The following PEBP4 variants were observed in gnomAD, a reference collection of about 807,000 sequenced individuals.
PEBP4 encodes phosphatidylethanolamine-binding protein 4.
A neutral mutation model predicts 23.9 loss-of-function variants in PEBP4; 22 were observed. That is an observed-to-expected ratio of 0.92 (90% CI 0.66 to 1.31). PEBP4 has a LOEUF of 1.31. PEBP4 is among the 40% of genes most tolerant of loss of function. The pLI is 0.00. For synonymous variants in PEBP4, 112 were observed against 99.3 expected (o/e 1.13, Z -0.76); for missense variants, 324 against 281.7 (o/e 1.15, Z -1.07).
At chr8:22,727,599 C>T (rs943740025) in intron 4 of PEBP4, among the ~76,000 whole-genome samples, 2 of 152,122 alleles carry the variant, frequency 1.3e-5, no homozygotes, top group East Asian at 1.9e-4. Flanking sequence ...AGGGTCTGGT[C>T]GGATCTAAGG....
chr8:22,940,420 G>A (rs1269955823), intron 1 of PEBP4, among the ~76,000 whole-genome samples: 1 of 151,776 alleles, frequency 6.6e-6, no homozygotes, highest in Non-Finnish European at 1.5e-5. Context: ...CACAAATAAT[G>A]CCTCAAATGA....
intron 3 of PEBP4, among the ~76,000 whole-genome samples, chr8:22,889,808 T>TA (rs1808456418): frequency 6.6e-6 from 1 of 152,254 alleles, no homozygotes; most frequent in African/African-American, 2.4e-5. Context: ...CAGAATCATG[T>TA]AATACGGTAT....
In PEBP4 at chr8:22,729,724, C is replaced by A. The variant is rs1189630079; in HGVS notation, c.358-2504G>T. On this transcript the variant is annotated intron_variant, in intron 4 of 6. Transcript: ENST00000256404. ...CTGATGGCAAATGGACTGTTCAGGTCCCCCCTGGAGCTGATCCCACGGACA... is the reference window on the plus strand; with the variant it reads ...CTGATGGCAAATGGACTGTTCAGGTACCCCCTGGAGCTGATCCCACGGACA... Among the ~76,000 whole-genome samples the A allele has an allele frequency of 3.3e-5, 5 of 152,300 alleles. 1 individual carries two copies. Among genetic ancestry groups the A allele is most frequent in the Middle Eastern group, 6.8e-3 (2 of 294 alleles).
At chr8:22,769,079 T>G (rs999384144) in intron 4 of PEBP4, among the ~76,000 whole-genome samples, 9 of 152,186 alleles carry the variant, frequency 5.9e-5, no homozygotes, top group Non-Finnish European at 1.3e-4. Flanking sequence ...GCAGCTCCTG[T>G]GTCCCCCAGG....
At chr8:22,787,645 G>A (rs553080184) in intron 4 of PEBP4, among the ~76,000 whole-genome samples, 1 of 152,340 alleles carries the variant, frequency 6.6e-6, no homozygotes, top group East Asian at 1.9e-4. Context: ...TTGGGGGTAA[G>A]GCCAATTCAA....
chr8:22,834,620 G>T (rs1807162079), intron 3 of PEBP4, among the ~76,000 whole-genome samples: 1 of 152,244 alleles, frequency 6.6e-6, no homozygotes, highest in South Asian at 2.1e-4. Context: ...AGGCTCTACT[G>T]CATTGAGAGG....
chr8:22,899,463 C>T (rs998486684), intron 3 of PEBP4, among the ~76,000 whole-genome samples: 2 of 152,218 alleles, frequency 1.3e-5, no homozygotes, highest in Non-Finnish European at 2.9e-5. Context: ...TGAAAAGGAA[C>T]CTGCTTTTGC....
intron 6 of PEBP4, among the ~76,000 whole-genome samples, chr8:22,722,923 C>T (rs55848859): frequency 0.16 from 24,149 of 150,080 alleles, 2,334 homozygotes; most frequent in South Asian, 0.24. Flanking sequence ...TAGGCGCCCA[C>T]CGCCACGCTG....
intron 4 of PEBP4, among the ~76,000 whole-genome samples, chr8:22,788,019 G>A (rs1806062449): frequency 1.3e-5 from 2 of 152,158 alleles, no homozygotes; most frequent in African/African-American, 2.4e-5. Context: ...TGGAGCTCTG[G>A]CAGAGGAAAA....
At chr8:22,733,341 T>A (rs1804779224) in intron 4 of PEBP4, among the ~76,000 whole-genome samples, 3 of 152,218 alleles carry the variant, frequency 2.0e-5, no homozygotes, top group Admixed American at 2.0e-4. Context: ...CTCTATCCTT[T>A]GGGTGTCCCC....
rs376335165 is a variant in PEBP4, at chr8:22,713,370, C to T, written c.684G>A (p.Ter228=). 1.8e-5 allele frequency: 28 copies of T among 1,583,142 alleles called. No individual in the cohort carries two copies. Among genetic ancestry groups the T allele is most frequent in the Middle Eastern group, 2.2e-4 (1 of 4,582 alleles). The stretch of plus-strand genomic sequence containing the variant: ...ATGCCCGGATGGCAAAGCCGGCTAT[C>T]TAGCAGGCAGCTATCTCCGCCTGGT... ...HKNQAEIAAC[*] is the part of the protein sequence containing the mutation. Residue 228 remains the stop codon, a stop_retained_variant, in exon 7 of 7, where the codon TAG becomes TAA. Transcript: ENST00000256404.
At chr8:22,717,990 A>G (rs573485609) in intron 6 of PEBP4, among the ~76,000 whole-genome samples, 1 of 152,276 alleles carries the variant, frequency 6.6e-6, no homozygotes, top group South Asian at 2.1e-4. Flanking sequence ...TTTTTGTGCC[A>G]TTAAATGACA....
In PEBP4 at chr8:22,775,373, C is replaced by T. The variant is rs905376253; in HGVS notation, c.357+42264G>A. Among the ~76,000 whole-genome samples the T allele has an allele frequency of 4.6e-5, 7 of 152,204 alleles. No individual in the cohort carries two copies. Among genetic ancestry groups the T allele is most frequent in the Non-Finnish European group, 1.0e-4 (7 of 68,036 alleles). ...CTCCGGGTGGTCTCTGCTGGGTGGG[C>T]CCAGCTGTCGAGGCCCAGGCAAGGA... is the stretch of plus-strand genomic sequence containing the variant. On this transcript the variant is annotated intron_variant, in intron 4 of 6. Coordinates refer to ENST00000256404, the MANE Select transcript of PEBP4 (RefSeq NM_144962.3). This position sits in a 1 kb window ranked among gnomAD's most constrained non-coding sequence, Gnocchi z 4.8.
chr8:22,935,247 A>G (rs1454799734), intron 1 of PEBP4, among the ~76,000 whole-genome samples: 2 of 152,232 alleles, frequency 1.3e-5, no homozygotes, highest in African/African-American at 4.8e-5. Context: ...CTGGCTGGGC[A>G]TGGTGGCTCA....
chr8:22,940,523 C>A (rs59619835), intron 1 of PEBP4, among the ~76,000 whole-genome samples: 1,272 of 103,110 alleles, frequency 0.012, 30 homozygotes, highest in African/African-American at 0.046. Flanking sequence ...GAGTCTTGCT[C>A]TGTCACCCAG....
chr8:22,761,044 C>T (rs563342210), intron 4 of PEBP4, among the ~76,000 whole-genome samples: 3 of 152,162 alleles, frequency 2.0e-5, no homozygotes, highest in Non-Finnish European at 1.5e-5. Context: ...AGCGGGGAGG[C>T]GGGCATCAGA....
At chr8:22,797,867 G>A (rs896969075) in intron 4 of PEBP4, among the ~76,000 whole-genome samples, 1 of 152,176 alleles carries the variant, frequency 6.6e-6, no homozygotes, top group South Asian at 2.1e-4. Context: ...CAGGATGATG[G>A]CCAGAAAGGG....
chr8:22,930,346 T>TA (rs1461605242), upstream of PEBP4, among the ~76,000 whole-genome samples: 1 of 152,164 alleles, frequency 6.6e-6, no homozygotes, highest in Non-Finnish European at 1.5e-5. Context: ...TATAAACAAT[T>TA]AGAGCACTTT....
chr8:22,879,537 C>A (rs1808199423), intron 3 of PEBP4: 1 of 152,214 alleles, frequency 6.6e-6, no homozygotes, highest in African/African-American at 2.4e-5. Flanking sequence ...CTTCAATCTA[C>A]AGAAGCAACT....
Sources: gnomAD v4.1 joint callset for allele counts (sites outside exome capture counted in the v4.1 genomes callset) on GRCh38, gnomAD v4.1.1 for gene constraint, Gnocchi (gnomAD v3.1) non-coding constraint, MANE v1.5 for transcripts, NCBI Gene and HGNC (gene_info 2026-07-23, HGNC 2026-07-21) for gene names.